CDKL1: variants seen among roughly 807,000 people sequenced by gnomAD.
CDKL1 encodes the protein cyclin-dependent kinase-like 1.
A neutral mutation model predicts 42.0 loss-of-function variants in CDKL1; 41 were observed. The ratio of observed to expected loss-of-function variants is 0.98; its 90% confidence interval spans 0.76 to 1.27. The LOEUF is 1.27. CDKL1 is among the 50% of genes most tolerant of loss of function. CDKL1 has a pLI of 0.00. For missense variants in CDKL1, 394 were observed against 428.4 expected (o/e 0.92, Z 0.71); for synonymous variants, 153 against 158.6 (o/e 0.96, Z 0.26).
chr14:50,360,370 C>T (rs2034199824), intron 2 of CDKL1, among the ~76,000 whole-genome samples: 1 of 152,114 alleles, frequency 6.6e-6, no homozygotes, highest in African/African-American at 2.4e-5. Flanking sequence ...CCTTCCTCCC[C>T]CCAGTCCCTG....
At chr14:50,342,538 G>T (rs2139401948) in intron 4 of CDKL1, 1 of 571,198 alleles carries the variant, frequency 1.8e-6, no homozygotes, top group Non-Finnish European at 2.4e-6. Flanking sequence ...ATTTTTTTAG[G>T]ATAATACATC....
intron 2 of CDKL1, among the ~76,000 whole-genome samples, chr14:50,377,145 A>C (rs1341568942): frequency 6.6e-6 from 1 of 152,136 alleles, no homozygotes; most frequent in East Asian, 1.9e-4. Context: ...AGATTTGCTG[A>C]AACCACTGCA....
In CDKL1 at chr14:50,329,644, T is replaced by C. The variant is rs1386904910; in HGVS notation, c.*430A>G. 2 of 156,082 alleles carry C rather than the reference T, an allele frequency of 1.3e-5. No homozygotes were observed. Among genetic ancestry groups the C allele is most frequent in the Non-Finnish European group, 2.8e-5 (2 of 70,726 alleles). 9.7% of individuals were successfully genotyped at this position (156,082 alleles called of 1,614,324 possible). A position where few individuals can be genotyped will look rare whatever the true frequency, so the allele number is the denominator to read the frequency against. ...AATAGAACTATCTTAAATATGATGC[T>C]GAAACAATCTGAGAGGCAGGAGATA... On this transcript the variant is annotated 3_prime_UTR_variant, in exon 10 of 10. Coordinates refer to ENST00000395834, the MANE Select transcript of CDKL1 (RefSeq NM_004196.7).
Position 50,334,454 on chromosome 14 carries a change from G to T in CDKL1, c.795+111C>A. On this transcript the variant is annotated intron_variant, in intron 8 of 9. Transcript: ENST00000395834. The stretch of plus-strand genomic sequence containing the variant: ...GTGAGCCACTGCCCAGCCAGGAGAA[G>T]AATTCTAAAAGGAACACTTTTCATT... 3 of 749,524 alleles carry T rather than the reference G, an allele frequency of 4.0e-6. No homozygotes were observed. The Admixed American group carries it at 6.6e-5, about 16-fold the overall frequency. The allele number at this position is 749,524 out of a possible 1,614,324, so 46.4% of individuals were successfully genotyped here. A position where few individuals can be genotyped will look rare whatever the true frequency, so the allele number is the denominator to read the frequency against.
rs528794941 is a variant in CDKL1, at chr14:50,329,339, C to T, written c.*735G>A. 11 of 152,244 alleles carry T rather than the reference C, an allele frequency of 7.2e-5. No homozygotes were observed. Among genetic ancestry groups the T allele is most frequent in the African/African-American group, 2.4e-4 (10 of 41,522 alleles). 9.4% of individuals were successfully genotyped at this position (152,244 alleles called of 1,614,324 possible). On this transcript the variant is annotated 3_prime_UTR_variant, in exon 10 of 10. Transcript: ENST00000395834. ...TTGACTGCCTTAATCAGCTGCCGAG[C>T]TTCATGCCATTGTTTACAAGGGGAA... is the stretch of plus-strand genomic sequence containing the variant.
chr14:50,337,681 C>CTT (rs71118872), intron 7 of CDKL1, among the ~76,000 whole-genome samples: 142 of 133,544 alleles, frequency 1.1e-3, no homozygotes, highest in Admixed American at 1.7e-3. Context: ...TTTTTTCTTT[C>CTT]TTTTTTTTTT....
chr14:50,337,503 C>T (rs2033344109), intron 7 of CDKL1, among the ~76,000 whole-genome samples: 1 of 151,288 alleles, frequency 6.6e-6, no homozygotes. Context: ...AGGCATGTGT[C>T]TCCAACCCCA....
chr14:50,395,691 A>T lies in CDKL1; in HGVS notation c.168+10T>A, dbSNP rs777010432. Reference sequence around the variant, plus strand: ...CGAAAAAGAAAAAAAAGGAAAAGTGAATCAATTACCTTGAGCATTCGGATT... The same window carrying T: ...CGAAAAAGAAAAAAAAGGAAAAGTGTATCAATTACCTTGAGCATTCGGATT... On this transcript the variant is annotated intron_variant, in intron 2 of 9. Transcript: ENST00000395834. 6.3e-7 allele frequency: 1 copy of T among 1,576,506 alleles called. No individual in the cohort carries two copies. Among genetic ancestry groups the T allele is most frequent in the Admixed American group, 1.7e-5 (1 of 57,510 alleles).
chr14:50,334,510 C>T lies in CDKL1; in HGVS notation c.795+55G>A, dbSNP rs1218140473. On this transcript the variant is annotated intron_variant, in intron 8 of 9. Transcript: ENST00000395834. ...GATTGACATAAGTAATTCAGATTCC[C>T]CAGTGATGACAACTGCTGTGTGCTT... 3 of 950,788 alleles carry T rather than the reference C, an allele frequency of 3.2e-6. No homozygotes were observed. In the Admixed American group the frequency reaches 5.7e-5, roughly 18 times the overall value. 58.9% of individuals were successfully genotyped at this position (950,788 alleles called of 1,614,324 possible). A position where few individuals can be genotyped will look rare whatever the true frequency, so the allele number is the denominator to read the frequency against.
Position 50,341,062 on chromosome 14 carries a change from C to G in CDKL1, c.625G>C (p.Asp209His). 1 of 1,613,906 alleles carries G rather than the reference C, an allele frequency of 6.2e-7. No individual in the cohort carries two copies. ...GTCTTCCTAATCAGATACAGCTGATCCACATCCGATTTTCCTGGCCACAGA... is the reference window on the plus strand; with the variant it reads ...GTCTTCCTAATCAGATACAGCTGATGCACATCCGATTTTCCTGGCCACAGA... ...VPLWPGKSDV[D>H]QLYLIRKTLG... Residue 209 changes from aspartate to histidine, a missense_variant, in exon 6 of 10, where the codon GAT becomes CAT. Physicochemically the swap from Asp to His is moderately conservative, Grantham distance 81. Coordinates refer to ENST00000395834, the MANE Select transcript of CDKL1 (RefSeq NM_004196.7).
rs753549909 is a variant in CDKL1 at position 50,362,868 on chromosome 14, C to A, written c.169-3719G>T. 1.3e-5 allele frequency: 5 copies of A among 392,578 alleles called. No individual in the cohort carries two copies. In the East Asian group the frequency reaches 3.9e-4, roughly 31 times the overall value. 24.3% of individuals were successfully genotyped at this position (392,578 alleles called of 1,614,324 possible). On this transcript the variant is annotated intron_variant, in intron 2 of 9. Coordinates refer to ENST00000395834, the MANE Select transcript of CDKL1 (RefSeq NM_004196.7). ...GATAAGAGAATAAAAGCAGGCTGCCCGACCCAGCAGTGGCAACCTACCCTG... is the reference window on the plus strand; with the variant it reads ...GATAAGAGAATAAAAGCAGGCTGCCAGACCCAGCAGTGGCAACCTACCCTG...
At chr14:50,332,889 T>A in intron 8 of CDKL1, 1 of 411,010 alleles carries the variant, frequency 2.4e-6, no homozygotes, top group Non-Finnish European at 4.2e-6. Flanking sequence ...CCTTCACCCT[T>A]CTAAAATCAG....
chr14:50,372,028 G>A (rs2034605054), intron 2 of CDKL1, among the ~76,000 whole-genome samples: 2 of 152,228 alleles, frequency 1.3e-5, no homozygotes, highest in Admixed American at 1.3e-4. Flanking sequence ...GGAGGCCAAG[G>A]GAGGCCAAGG....
intron 3 of CDKL1, among the ~76,000 whole-genome samples, chr14:50,348,416 C>T (rs2033796469): frequency 6.6e-6 from 1 of 152,170 alleles, no homozygotes; most frequent in African/African-American, 2.4e-5. Flanking sequence ...ATTTGGCATA[C>T]GTGAGATTGT....
intron 6 of CDKL1, among the ~76,000 whole-genome samples, chr14:50,340,573 A>G (rs2033478525): frequency 6.6e-6 from 1 of 152,188 alleles, no homozygotes; most frequent in Non-Finnish European, 1.5e-5. Context: ...CATTACAACT[A>G]GCTTTCCTCC....
chr14:50,371,716 C>T (rs1384782523), intron 2 of CDKL1, among the ~76,000 whole-genome samples: 1 of 152,242 alleles, frequency 6.6e-6, no homozygotes, highest in Non-Finnish European at 1.5e-5. Flanking sequence ...GTTGGAGGGG[C>T]AGGAGCCCCA....
chr14:50,349,704 C>G (rs1271469811), intron 3 of CDKL1, among the ~76,000 whole-genome samples: 2 of 152,054 alleles, frequency 1.3e-5, no homozygotes, highest in Non-Finnish European at 2.9e-5. Flanking sequence ...CAGGCTAAGG[C>G]AGATGTTTTG....
intron 2 of CDKL1, among the ~76,000 whole-genome samples, chr14:50,386,295 T>C (rs1003966337): frequency 6.6e-6 from 1 of 151,866 alleles, no homozygotes; most frequent in African/African-American, 2.4e-5. Context: ...AGTCAGGCAC[T>C]ATGGCTCACA....
intron 7 of CDKL1, chr14:50,336,243 G>A: frequency 7.7e-7 from 1 of 1,293,702 alleles, no homozygotes; most frequent in Admixed American, 2.3e-5. Context: ...TGTTCAACCA[G>A]TGCAGCCCCC....
Sources: allele counts gnomAD v4.1 joint callset (sites outside exome capture counted in the v4.1 genomes callset), GRCh38; gene constraint gnomAD v4.1.1; transcripts MANE v1.5; gene names NCBI Gene and HGNC (gene_info 2026-07-23, HGNC 2026-07-21).